The following SREK1IP1 variants were observed in gnomAD, a reference collection of about 807,000 sequenced individuals.
SREK1IP1 encodes the protein protein SREK1IP1.
A neutral mutation model predicts 22.8 loss-of-function variants in SREK1IP1; 12 were observed. That is an observed-to-expected ratio of 0.53 (90% CI 0.34 to 0.85). The LOEUF is 0.85. Among genes scored for constraint, SREK1IP1 ranks in the 40% least tolerant of loss-of-function variants. SREK1IP1 has a pLI of 0.02. For synonymous variants in SREK1IP1, 53 were observed against 52.7 expected (o/e 1.01, Z -0.02); for missense variants, 147 against 171.8 (o/e 0.86, Z 0.81).
intron 1 of SREK1IP1, among the ~76,000 whole-genome samples, chr5:64,762,674 T>C (rs1339824039): frequency 6.6e-6 from 1 of 152,184 alleles, no homozygotes; most frequent in Non-Finnish European, 1.5e-5. Context: ...CTTCGTTAAT[T>C]AATAAGATAA....
intron 1 of SREK1IP1, among the ~76,000 whole-genome samples, chr5:64,759,181 T>C (rs760780790): frequency 2.0e-5 from 3 of 152,212 alleles, no homozygotes; most frequent in Admixed American, 6.5e-5. Context: ...TTTCTGACCC[T>C]TATTATGCAG....
intron 2 of SREK1IP1, among the ~76,000 whole-genome samples, chr5:64,747,515 TC>T (rs1388541429): frequency 1.3e-5 from 2 of 152,174 alleles, no homozygotes; most frequent in African/African-American, 4.8e-5. Context: ...TTTCTTATGA[TC>T]ATAAATGGCT....
chr5:64,730,922 T>C (rs976408181), intron 3 of SREK1IP1, among the ~76,000 whole-genome samples: 1 of 151,250 alleles, frequency 6.6e-6, no homozygotes, highest in African/African-American at 2.5e-5. Context: ...CAGTTACAGA[T>C]ATTTGCAAAA....
rs1742192609 is a variant in SREK1IP1, at chr5:64,722,770, C to T, written c.*1614G>A. 1 of 152,184 alleles carries T rather than the reference C, an allele frequency of 6.6e-6. No individual in the cohort carries two copies. Among genetic ancestry groups the T allele is most frequent in the Non-Finnish European group, 1.5e-5 (1 of 68,036 alleles). The allele number at this position is 152,184 out of a possible 1,614,324, so 9.4% of individuals were successfully genotyped here. ...GAAGGGTTGAAAGCGTGAGAGCTCT[C>T]ATGGCTGCAATGCAGAGGGCTGTGG... is the stretch of plus-strand genomic sequence containing the variant. On this transcript the variant is annotated 3_prime_UTR_variant, in exon 5 of 5. Coordinates refer to ENST00000513458, the MANE Select transcript of SREK1IP1 (RefSeq NM_173829.4).
intron 3 of SREK1IP1, among the ~76,000 whole-genome samples, chr5:64,731,685 T>A (rs1337841908): frequency 2.0e-5 from 3 of 151,944 alleles, no homozygotes; most frequent in African/African-American, 7.3e-5. Flanking sequence ...GTCTTGAACA[T>A]ATAAAAAATG....
chr5:64,747,433 C>T (rs1387677223), intron 2 of SREK1IP1, among the ~76,000 whole-genome samples: 1 of 152,102 alleles, frequency 6.6e-6, no homozygotes, highest in Non-Finnish European at 1.5e-5. Context: ...TCCTATCACC[C>T]GTATCACTCA....
At chr5:64,749,103 T>A (rs1014521504) in intron 2 of SREK1IP1, among the ~76,000 whole-genome samples, 5 of 142,286 alleles carry the variant, frequency 3.5e-5, no homozygotes, top group East Asian at 4.4e-4. Flanking sequence ...ATAATAATAA[T>A]AATAAAAACC....
chr5:64,756,114 T>C (rs997780839), intron 1 of SREK1IP1, among the ~76,000 whole-genome samples: 3 of 152,148 alleles, frequency 2.0e-5, no homozygotes, highest in African/African-American at 4.8e-5. Context: ...GCTAAAGATA[T>C]AGATACCAGA....
At chr5:64,749,515 C>T (rs967215912) in intron 2 of SREK1IP1, among the ~76,000 whole-genome samples, 3 of 151,974 alleles carry the variant, frequency 2.0e-5, no homozygotes, top group African/African-American at 7.3e-5. Context: ...TAGCTCACTA[C>T]AACCTCTGCA....
intron 3 of SREK1IP1, among the ~76,000 whole-genome samples, chr5:64,738,860 A>G (rs1386690439): frequency 1.3e-5 from 2 of 152,186 alleles, no homozygotes; most frequent in African/African-American, 4.8e-5. Flanking sequence ...ACTTTATTCT[A>G]TTTTCACGCT....
In SREK1IP1 at chr5:64,724,464, GT is replaced by G; in HGVS notation, c.387del (p.Lys129AsnfsTer29). ...CTCTTCTTTTTTTCCTTTTTGTGAT[GT>G]TTCCCTTTTTTTGATTTACTCTTTT... ...KEKKSKSKKG[K>X]HHKKEKKKRK... On this transcript the variant is annotated frameshift_variant, in exon 5 of 5. Coordinates refer to ENST00000513458, the MANE Select transcript of SREK1IP1 (RefSeq NM_173829.4). LOFTEE classifies it high-confidence loss of function. 6.3e-7 allele frequency: 1 copy of G among 1,585,868 alleles called. No individual in the cohort carries two copies. Among genetic ancestry groups the G allele is most frequent in the Non-Finnish European group, 8.5e-7 (1 of 1,170,436 alleles).
intron 2 of SREK1IP1, among the ~76,000 whole-genome samples, chr5:64,741,923 C>A (rs753741083): frequency 1.3e-5 from 2 of 149,166 alleles, no homozygotes; most frequent in African/African-American, 5.2e-5. Flanking sequence ...CATGCCTGTG[C>A]GCACACACAC....
intron 2 of SREK1IP1, among the ~76,000 whole-genome samples, chr5:64,743,825 AT>A (rs1742589631): frequency 2.0e-5 from 3 of 152,112 alleles, no homozygotes; most frequent in African/African-American, 7.2e-5. Context: ...TGAAATTATA[AT>A]GGTTCTGTTA....
intron 2 of SREK1IP1, among the ~76,000 whole-genome samples, chr5:64,741,669 T>G (rs1454975190): frequency 6.6e-6 from 1 of 152,180 alleles, no homozygotes; most frequent in Non-Finnish European, 1.5e-5. Context: ...CAAGCATTAA[T>G]ATAACTGAAT....
chr5:64,749,899 C>T (rs1742711832), intron 2 of SREK1IP1, among the ~76,000 whole-genome samples: 1 of 152,156 alleles, frequency 6.6e-6, no homozygotes, highest in Non-Finnish European at 1.5e-5. Flanking sequence ...ATATTTGGCT[C>T]TTCCTTGAGG....
In SREK1IP1 at chr5:64,727,935, C is replaced by T. The variant is rs1029112429; in HGVS notation, c.278+172G>A. 4.8e-5 allele frequency: 27 copies of T among 556,950 alleles called. No individual in the cohort carries two copies. The African/African-American group carries it at 5.6e-4, about 11-fold the overall frequency. The allele number at this position is 556,950 out of a possible 1,614,324, so 34.5% of individuals were successfully genotyped here. ...AGAATACAAATATTTTAGTCAATTT[C>T]ATGTATATGAAGACAAAATATATAT... is the stretch of plus-strand genomic sequence containing the variant. On this transcript the variant is annotated intron_variant, in intron 4 of 4. Transcript: ENST00000513458.
intron 1 of SREK1IP1, among the ~76,000 whole-genome samples, chr5:64,757,353 G>A (rs536478489): frequency 6.6e-5 from 10 of 152,312 alleles, no homozygotes; most frequent in Admixed American, 5.9e-4. Flanking sequence ...CTATGACTGC[G>A]CCACTGCACT....
rs377031114 is a variant in SREK1IP1, at chr5:64,754,407, G to A, written c.14-45C>T. The A allele has an allele frequency of 2.3e-4, 367 of 1,567,394 alleles. 2 individuals are homozygous for A. The highest frequency in any genetic ancestry group is 3.0e-4 in the Non-Finnish European group (337 of 1,141,990). ...AATTTTAGGAAGTAAATAAATATGC[G>A]AAAACTTAAAAACTTTATTGTATGA... On this transcript the variant is annotated intron_variant, in intron 1 of 4. Transcript: ENST00000513458.
At chr5:64,763,142 G>A (rs1229638940) in intron 1 of SREK1IP1, among the ~76,000 whole-genome samples, 1 of 152,114 alleles carries the variant, frequency 6.6e-6, no homozygotes, top group African/African-American at 2.4e-5. Flanking sequence ...CAATCAAAGA[G>A]CTGTTTACTG....
Sources: gnomAD v4.1 joint callset for allele counts (sites outside exome capture counted in the v4.1 genomes callset) on GRCh38, gnomAD v4.1.1 for gene constraint, MANE v1.5 for transcripts, NCBI Gene and HGNC (gene_info 2026-07-23, HGNC 2026-07-21) for gene names.